GALNTL6: variants seen among roughly 807,000 people sequenced by gnomAD.
GALNTL6 encodes the protein polypeptide N-acetylgalactosaminyltransferase like 6.
A neutral mutation model predicts 73.7 loss-of-function variants in GALNTL6; 46 were observed. The observed-to-expected ratio is 0.62, with a 90% confidence interval of 0.49 to 0.80. The LOEUF is 0.80. Among genes scored for constraint, GALNTL6 ranks in the 30% least tolerant of loss-of-function variants. The pLI, the probability that GALNTL6 is intolerant of heterozygous loss-of-function variation, is 0.00. For synonymous variants in GALNTL6, 259 were observed against 263.7 expected, an observed-to-expected ratio of 0.98 and a Z score of 0.17; for missense variants, 604 against 755.0, an observed-to-expected ratio of 0.80 and a Z score of 2.34.
At chr4:171,967,454 T>TG (rs1739421938) in intron 2 of GALNTL6, among the ~76,000 whole-genome samples, 2 of 44,542 alleles carry the variant, frequency 4.5e-5, no homozygotes, top group Non-Finnish European at 1.1e-4. Context: ...TGGGTTTTTT[T>TG]TTTTTTTTTT....
At chr4:172,086,943 T>C (rs973862216) in intron 2 of GALNTL6, among the ~76,000 whole-genome samples, 11 of 152,200 alleles carry the variant, frequency 7.2e-5, no homozygotes, top group African/African-American at 2.2e-4. Context: ...AATATACCAA[T>C]ATTGCTTGAC....
intron 7 of GALNTL6, among the ~76,000 whole-genome samples, chr4:172,856,511 A>G (rs1235091071): frequency 1.3e-5 from 2 of 152,216 alleles, no homozygotes; most frequent in Non-Finnish European, 2.9e-5. Flanking sequence ...TCAAGAAAAC[A>G]CAAGAAGTCA....
At chr4:172,728,815 G>A (rs1735982994) in intron 5 of GALNTL6, among the ~76,000 whole-genome samples, 1 of 152,136 alleles carries the variant, frequency 6.6e-6, no homozygotes, top group Non-Finnish European at 1.5e-5. Context: ...TCCTCCAAGT[G>A]GCTATACTAA....
chr4:172,021,022 A>C (rs1033154019), intron 2 of GALNTL6, among the ~76,000 whole-genome samples: 16 of 152,056 alleles, frequency 1.1e-4, no homozygotes, highest in African/African-American at 3.9e-4. Flanking sequence ...TCAATGTGAT[A>C]CATATCAACA....
At chr4:172,733,542 A>G (rs1196620369) in intron 5 of GALNTL6, among the ~76,000 whole-genome samples, 1 of 152,078 alleles carries the variant, frequency 6.6e-6, no homozygotes, top group Non-Finnish European at 1.5e-5. Flanking sequence ...ATCCCTATGT[A>G]TGGTGAGAAT....
At chr4:172,790,313 T>G (rs2110926759) in intron 5 of GALNTL6, among the ~76,000 whole-genome samples, 1 of 152,304 alleles carries the variant, frequency 6.6e-6, no homozygotes, top group Non-Finnish European at 1.5e-5. Flanking sequence ...GTGACTGTAC[T>G]TGGAGATTGG....
intron 2 of GALNTL6, among the ~76,000 whole-genome samples, chr4:172,116,148 T>C (rs567938611): frequency 1.3e-5 from 2 of 152,226 alleles, no homozygotes; most frequent in East Asian, 3.9e-4. Context: ...TATTCTACGA[T>C]TATCTTATAA....
intron 2 of GALNTL6, among the ~76,000 whole-genome samples, chr4:171,854,514 G>C (rs980079788): frequency 7.2e-5 from 11 of 152,234 alleles, no homozygotes; most frequent in African/African-American, 2.7e-4. Flanking sequence ...ACAGGTGTTA[G>C]ATAGAAAGTT....
intron 5 of GALNTL6, among the ~76,000 whole-genome samples, chr4:172,567,380 A>T (rs1736593832): frequency 6.6e-6 from 1 of 152,114 alleles, no homozygotes; most frequent in Admixed American, 6.6e-5. Context: ...AAGCCCTGAG[A>T]TAGTCTATGA....
At chr4:172,574,007 T>C (rs17234582) in intron 5 of GALNTL6, among the ~76,000 whole-genome samples, 76,082 of 151,918 alleles carry the variant, frequency 0.5, 20,111 homozygotes, top group East Asian at 0.68. Flanking sequence ...CACCACTTCT[T>C]ATAGTCACTG....
chr4:172,796,221 T>C (rs73869666), intron 5 of GALNTL6, among the ~76,000 whole-genome samples: 1,777 of 152,196 alleles, frequency 0.012, 36 homozygotes, highest in African/African-American at 0.039. Flanking sequence ...ATGAATACAT[T>C]TGGGTTCCAG....
intron 7 of GALNTL6, among the ~76,000 whole-genome samples, chr4:172,853,185 TATCC>T (rs1421327659): frequency 1.3e-5 from 2 of 152,154 alleles, no homozygotes; most frequent in Non-Finnish European, 2.9e-5. Flanking sequence ...GCTGGGAAAG[TATCC>T]ATTTGCAAGC....
intron 2 of GALNTL6, among the ~76,000 whole-genome samples, chr4:172,156,068 G>C (rs1347923220): frequency 6.6e-6 from 1 of 151,974 alleles, no homozygotes; most frequent in Non-Finnish European, 1.5e-5. Context: ...CTGTTTTAAC[G>C]AGCGCCTGGG....
chr4:172,946,695 G>A (rs1372624710), intron 9 of GALNTL6, among the ~76,000 whole-genome samples: 1 of 152,184 alleles, frequency 6.6e-6, no homozygotes, highest in Non-Finnish European at 1.5e-5. Flanking sequence ...GAGCAACACA[G>A]AAAAGAGAGA....
chr4:172,018,340 T>A (rs1319495367), intron 2 of GALNTL6, among the ~76,000 whole-genome samples: 2 of 151,936 alleles, frequency 1.3e-5, no homozygotes, highest in Admixed American at 1.3e-4. Flanking sequence ...AGGGGCAGGA[T>A]TATGTGGGTC....
intron 2 of GALNTL6, among the ~76,000 whole-genome samples, chr4:171,950,341 G>T (rs1164562114): frequency 2.0e-5 from 3 of 151,970 alleles, no homozygotes; most frequent in Non-Finnish European, 4.4e-5. Flanking sequence ...GGAAGAGAGA[G>T]CAAAAAATTA....
intron 2 of GALNTL6, among the ~76,000 whole-genome samples, chr4:172,159,301 G>T (rs1233179879): frequency 6.6e-6 from 1 of 152,130 alleles, no homozygotes; most frequent in Non-Finnish European, 1.5e-5. Context: ...GAAGGTTAAT[G>T]GTGAGCAAAT....
chr4:172,401,621 A>G (rs186210053), intron 5 of GALNTL6, among the ~76,000 whole-genome samples: 20 of 152,106 alleles, frequency 1.3e-4, no homozygotes, highest in Admixed American at 3.3e-4. Flanking sequence ...GTTAACTTTC[A>G]TTTTCTTCCT....
intron 7 of GALNTL6, among the ~76,000 whole-genome samples, chr4:172,876,136 A>G: frequency 6.6e-6 from 1 of 152,224 alleles, no homozygotes; most frequent in Admixed American, 6.5e-5. Flanking sequence ...ATATCCTTTC[A>G]CAGAGGAGTC....
Sources: allele counts gnomAD v4.1 joint callset (sites outside exome capture counted in the v4.1 genomes callset), GRCh38; gene constraint gnomAD v4.1.1; transcripts MANE v1.5; gene names NCBI Gene and HGNC (gene_info 2026-07-23, HGNC 2026-07-21).